Variants in KCNH1 observed in about 807,000 individuals in gnomAD.
KCNH1 encodes voltage-gated delayed rectifier potassium channel KCNH1.
KCNH1 carries 27 observed loss-of-function variants against 69.2 expected under a neutral mutation model. The ratio of observed to expected loss-of-function variants is 0.39; its 90% CI spans 0.29 to 0.54. KCNH1 has a LOEUF of 0.54. Among genes scored for constraint, KCNH1 ranks in the 20% least tolerant of loss-of-function variants. The pLI, the probability that KCNH1 is intolerant of heterozygous loss-of-function variation, is 0.68. For synonymous variants in KCNH1, 456 were observed against 487.7 expected (o/e 0.93, Z 0.86); for missense variants, 798 against 1,261.6 (o/e 0.63, Z 5.57).
At chr1:210,970,808 G>A (rs1023441497) in intron 6 of KCNH1, among the ~76,000 whole-genome samples, 4 of 152,206 alleles carry the variant, frequency 2.6e-5, no homozygotes, top group African/African-American at 7.2e-5. Context: ...TTAAACTAAA[G>A]AGCTCCTGCA....
At chr1:211,005,593 A>G (rs1030583584) in intron 6 of KCNH1, among the ~76,000 whole-genome samples, 1 of 152,204 alleles carries the variant, frequency 6.6e-6, no homozygotes, top group Non-Finnish European at 1.5e-5. Flanking sequence ...ATTTCATAGC[A>G]TACACGATAA....
intron 6 of KCNH1, among the ~76,000 whole-genome samples, chr1:210,936,360 T>G (rs1687774448): frequency 6.6e-6 from 1 of 152,216 alleles, no homozygotes; most frequent in Admixed American, 6.5e-5. Flanking sequence ...CACCACCTTC[T>G]TGATTTAGTT....
intron 6 of KCNH1, among the ~76,000 whole-genome samples, chr1:210,935,118 T>A (rs1687753086): frequency 2.4e-5 from 2 of 82,724 alleles, no homozygotes; most frequent in African/African-American, 6.0e-5. Context: ...GCAAAGAAAA[T>A]GTCACACACA....
chr1:210,713,702 A>C (rs1682137911), intron 10 of KCNH1, among the ~76,000 whole-genome samples: 1 of 152,152 alleles, frequency 6.6e-6, no homozygotes, highest in Non-Finnish European at 1.5e-5. Context: ...TTTCAGCCCC[A>C]ATAAGTCCTT....
intron 7 of KCNH1, among the ~76,000 whole-genome samples, chr1:210,825,082 T>C (rs932434027): frequency 1.1e-4 from 16 of 152,222 alleles, no homozygotes; most frequent in Non-Finnish European, 1.5e-4. Flanking sequence ...TGGCAACAAA[T>C]ACTTTCCATT....
chr1:210,789,880 G>T (rs962776001), intron 9 of KCNH1, among the ~76,000 whole-genome samples: 1 of 152,172 alleles, frequency 6.6e-6, no homozygotes, highest in Non-Finnish European at 1.5e-5. Context: ...TTTCTTGTGA[G>T]TATTGTGAAT....
At chr1:210,801,814 T>C (rs1052588121) in intron 8 of KCNH1, among the ~76,000 whole-genome samples, 25 of 152,214 alleles carry the variant, frequency 1.6e-4, no homozygotes, top group African/African-American at 5.8e-4. Context: ...GGGCAGGTGG[T>C]TGGCAAAAGC....
At chr1:210,813,573 C>T (rs1684753390) in intron 7 of KCNH1, among the ~76,000 whole-genome samples, 1 of 152,100 alleles carries the variant, frequency 6.6e-6, no homozygotes, top group Non-Finnish European at 1.5e-5. Context: ...AGTTTTTGGT[C>T]TTTACTGTTG....
chr1:210,962,382 C>A (rs536601943), intron 6 of KCNH1, among the ~76,000 whole-genome samples: 8 of 152,154 alleles, frequency 5.3e-5, no homozygotes, highest in African/African-American at 1.7e-4. Flanking sequence ...TTCATCTTGG[C>A]AGAAATGGAG....
chr1:210,706,467 A>G (rs574977827), intron 10 of KCNH1, among the ~76,000 whole-genome samples: 6 of 152,358 alleles, frequency 3.9e-5, no homozygotes, highest in Non-Finnish European at 7.3e-5. Context: ...TTTAGCCACT[A>G]TTTGGGATTA....
intron 7 of KCNH1, among the ~76,000 whole-genome samples, chr1:210,872,096 C>T (rs934779156): frequency 4.9e-5 from 7 of 143,304 alleles, no homozygotes; most frequent in South Asian, 2.2e-4. Context: ...AATATGATCT[C>T]GGCTATGGAA....
chr1:211,038,203 T>G (rs1253042467), intron 5 of KCNH1, among the ~76,000 whole-genome samples: 2 of 152,042 alleles, frequency 1.3e-5, no homozygotes, highest in East Asian at 3.9e-4. Context: ...CCTCGTGATC[T>G]GCCCGCCTCA....
intron 6 of KCNH1, among the ~76,000 whole-genome samples, chr1:210,932,542 T>TC (rs34828065): frequency 0.54 from 81,767 of 151,712 alleles, 22,159 homozygotes; most frequent in Admixed American, 0.6. Flanking sequence ...TGTATTATAT[T>TC]CCCCAATTAA....
intron 6 of KCNH1, among the ~76,000 whole-genome samples, chr1:210,965,146 C>T (rs995394580): frequency 6.6e-6 from 1 of 152,278 alleles, no homozygotes; most frequent in South Asian, 2.1e-4. Context: ...TAATATCATA[C>T]TGAATGGGCA....
At chr1:211,123,140 A>G (rs1008337666) in intron 1 of KCNH1, among the ~76,000 whole-genome samples, 17 of 152,024 alleles carry the variant, frequency 1.1e-4, no homozygotes, top group Non-Finnish European at 2.9e-5. Flanking sequence ...CAGTTTCCCT[A>G]TATGGCTTTA....
intron 5 of KCNH1, among the ~76,000 whole-genome samples, chr1:211,025,197 T>C (rs989134078): frequency 3.9e-5 from 6 of 152,176 alleles, no homozygotes; most frequent in African/African-American, 1.4e-4. Flanking sequence ...TTGCAGGTTC[T>C]TATAAATCTC....
intron 5 of KCNH1, among the ~76,000 whole-genome samples, chr1:211,072,587 G>C (rs1690665256): frequency 6.6e-6 from 1 of 152,174 alleles, no homozygotes; most frequent in African/African-American, 2.4e-5. Flanking sequence ...TTAAAGCAAT[G>C]ATACAAGGAA....
chr1:210,808,567 T>C (rs1460011574), intron 7 of KCNH1, among the ~76,000 whole-genome samples: 1 of 152,146 alleles, frequency 6.6e-6, no homozygotes, highest in Non-Finnish European at 1.5e-5. Context: ...CTTTTTCTTT[T>C]TTTAATAAAA....
intron 7 of KCNH1, among the ~76,000 whole-genome samples, chr1:210,905,474 G>A (rs1385204205): frequency 2.6e-5 from 4 of 152,044 alleles, no homozygotes; most frequent in Admixed American, 2.0e-4. Flanking sequence ...GGATCCAAAT[G>A]GTCAATATAG....
Sources: gnomAD v4.1 joint callset for allele counts (sites outside exome capture counted in the v4.1 genomes callset) on GRCh38, gnomAD v4.1.1 for gene constraint, MANE v1.5 for transcripts, NCBI Gene and HGNC (gene_info 2026-07-23, HGNC 2026-07-21) for gene names.